The following ZSCAN18 variants were observed in gnomAD, a reference collection of about 807,000 sequenced individuals.
ZSCAN18 encodes the protein zinc finger and SCAN domain containing 18, also known as zinc finger and SCAN domain-containing protein 18.
In ZSCAN18, 16 loss-of-function variants were observed where a neutral mutation model predicts 31.1. That is an observed-to-expected ratio of 0.51 (90% CI 0.35 to 0.78). The LOEUF (loss-of-function observed/expected upper bound fraction) is 0.78. ZSCAN18 is among the 30% of genes least tolerant of loss of function. The pLI, the probability that ZSCAN18 is intolerant of heterozygous loss-of-function variation, is 0.01. For missense variants in ZSCAN18, 731 were observed against 697.4 expected, an observed-to-expected ratio of 1.05 and a Z score of -0.54; for synonymous variants, 375 against 320.7, an observed-to-expected ratio of 1.17 and a Z score of -1.81.
In ZSCAN18 at chr19:58,084,624, T is replaced by C; in HGVS notation, c.*61A>G. ...CACCCAGGGGCGTGGAAAGGCCCAA[T>C]GCCTCGTCTGGGATTCACGGCCGGC... is the stretch of plus-strand genomic sequence containing the variant. On this transcript the variant is annotated 3_prime_UTR_variant, in exon 7 of 7. Transcript: ENST00000601144. This position sits in a 1 kb window ranked among gnomAD's most constrained non-coding sequence, Gnocchi z 4.5. 1 of 1,407,046 alleles carries C rather than the reference T, an allele frequency of 7.1e-7. No individual in the cohort carries two copies. Among genetic ancestry groups the C allele is most frequent in the Non-Finnish European group, 9.3e-7 (1 of 1,077,366 alleles). 87.2% of individuals were successfully genotyped at this position (1,407,046 alleles called of 1,614,324 possible).
intron 1 of ZSCAN18, among the ~76,000 whole-genome samples, chr19:58,112,235 A>G (rs922100071): frequency 6.6e-6 from 1 of 152,060 alleles, no homozygotes; most frequent in East Asian, 1.9e-4. Context: ...GGTTTTTGCC[A>G]CTTTGCCTAG....
upstream of ZSCAN18, among the ~76,000 whole-genome samples, chr19:58,101,040 G>A (rs548635849): frequency 9.9e-5 from 15 of 151,902 alleles, no homozygotes; most frequent in East Asian, 1.9e-4. Context: ...TCTCGATTCC[G>A]TTCCACTGAT....
At chr19:58,109,002 G>C in intron 1 of ZSCAN18, 1 of 1,203,438 alleles carries the variant, frequency 8.3e-7, no homozygotes, top group Non-Finnish European at 1.0e-6. Flanking sequence ...CATGTTCACA[G>C]AAACCTGTTG....
Position 58,118,295 on chromosome 19 carries a change from TG to T in ZSCAN18, c.101del (p.Pro34HisfsTer39), listed in dbSNP as rs781062799. 4 of 1,507,022 alleles carry T rather than the reference TG, an allele frequency of 2.7e-6. No individual in the cohort carries two copies. In the Admixed American group the frequency reaches 8.5e-5, roughly 32 times the overall value. 93.4% of individuals were successfully genotyped at this position (1,507,022 alleles called of 1,614,324 possible). Reference sequence around the variant, plus strand: ...CACTAGGCCTTGGCTCCGCGACCGGTGGGCGGGAACGGAGGAAACAGACCCG... The same window carrying T: ...CACTAGGCCTTGGCTCCGCGACCGGTGGCGGGAACGGAGGAAACAGACCCG... On this transcript the variant is annotated frameshift_variant, in exon 1 of 2. Transcript: ENST00000595721. LOFTEE classifies it low-confidence loss of function (END_TRUNC).
intron 1 of ZSCAN18, among the ~76,000 whole-genome samples, chr19:58,095,669 G>A (rs1222410404): frequency 6.6e-6 from 1 of 152,176 alleles, no homozygotes; most frequent in Non-Finnish European, 1.5e-5. Context: ...GCGGGATGAC[G>A]TGGGGAGGAC....
At chr19:58,098,401 T>C, upstream of ZSCAN18, 1 of 984,920 alleles carries the variant, frequency 1.0e-6, no homozygotes, top group Non-Finnish European at 1.2e-6. Flanking sequence ...CTCCGGCGCC[T>C]GCGTCATTTT....
chr19:58,085,942 A>C (rs953072549), intron 6 of ZSCAN18: 5 of 538,808 alleles, frequency 9.3e-6, no homozygotes, highest in Admixed American at 6.3e-5. Context: ...AGATCCTGGC[A>C]ACTAACACCA....
At chr19:58,094,303 C>G (rs559042723) in intron 1 of ZSCAN18, among the ~76,000 whole-genome samples, 1 of 151,172 alleles carries the variant, frequency 6.6e-6, no homozygotes, top group South Asian at 2.1e-4. Context: ...CCCAGCTACT[C>G]AGGAGGCCGA....
intron 1 of ZSCAN18, among the ~76,000 whole-genome samples, chr19:58,117,240 A>C (rs931866259): frequency 9.2e-5 from 14 of 152,104 alleles, no homozygotes; most frequent in African/African-American, 3.4e-4. Flanking sequence ...CCACTTGGAG[A>C]GACTAGAAAG....
rs1388418100 is a variant in ZSCAN18, at chr19:58,098,221, T to G, written c.-167A>C. On this transcript the variant is annotated 5_prime_UTR_variant, in exon 1 of 7. Coordinates refer to ENST00000601144, the MANE Select transcript of ZSCAN18 (RefSeq NM_001145543.2). ...CGGTCCCAGCCGCCCGGAGCCCCAG[T>G]GCGCGATGGCGGCCGGCAAACTGCG... 1.0e-6 allele frequency: 1 copy of G among 985,338 alleles called. No homozygotes were observed. Among genetic ancestry groups the G allele is most frequent in the South Asian group, 4.7e-5 (1 of 21,298 alleles). The allele number at this position is 985,338 out of a possible 1,614,324, so 61.0% of individuals were successfully genotyped here.
At chr19:58,111,256 G>A (rs909895965) in intron 1 of ZSCAN18, among the ~76,000 whole-genome samples, 4 of 152,074 alleles carry the variant, frequency 2.6e-5, no homozygotes, top group Non-Finnish European at 5.9e-5. Flanking sequence ...AACTCCATGT[G>A]AGCAGGATTG....
chr19:58,092,968 G>A (rs932659335), intron 1 of ZSCAN18, among the ~76,000 whole-genome samples: 1 of 151,818 alleles, frequency 6.6e-6, no homozygotes, highest in Non-Finnish European at 1.5e-5. Flanking sequence ...TAGAGACAGG[G>A]ATCTCACTAT....
chr19:58,094,108 T>A (rs1245756118), intron 1 of ZSCAN18, among the ~76,000 whole-genome samples: 1 of 151,868 alleles, frequency 6.6e-6, no homozygotes, highest in Non-Finnish European at 1.5e-5. Context: ...AGAAACCCAC[T>A]TAAAAAGGGT....
intron 1 of ZSCAN18, chr19:58,093,402 T>C (rs1028821303): frequency 6.6e-6 from 1 of 152,178 alleles, no homozygotes; most frequent in African/African-American, 2.4e-5. Flanking sequence ...TTCTGATCTA[T>C]TTAAAGGACA....
chr19:58,090,502 C>T lies in ZSCAN18; in HGVS notation c.-119-116G>A, dbSNP rs2074389279. 4.3e-6 allele frequency: 4 copies of T among 934,364 alleles called. No individual in the cohort carries two copies. 57.9% of individuals were successfully genotyped at this position (934,364 alleles called of 1,614,324 possible). A position where few individuals can be genotyped will look rare whatever the true frequency, so the allele number is the denominator to read the frequency against. ...TTCACACAGATTTCCAAGAAACCCG[C>T]TTGTTAGGCATCAGTAGAACCTCAG... On this transcript the variant is annotated intron_variant, in intron 1 of 6. Coordinates refer to ENST00000601144, the MANE Select transcript of ZSCAN18 (RefSeq NM_001145543.2). This position sits in a 1 kb window ranked among gnomAD's most constrained non-coding sequence, Gnocchi z 4.7.
rs373541574 is a variant in ZSCAN18, at chr19:58,110,950, C to T, written c.130+7317G>A. 3.6e-3 allele frequency among the ~76,000 whole-genome samples: 548 copies of T among 152,180 alleles called. 5 individuals are homozygous for T. The highest frequency in any genetic ancestry group is 0.027 in the Middle Eastern group (8 of 294). On this transcript the variant is annotated intron_variant, in intron 1 of 1. Coordinates refer to the ZSCAN18 transcript ENST00000595721. ...TTGGGAGGCTGAGGCAGGTGGATCA[C>T]GAGGTCAGGAGATGGAGACCATCCT...
intron 3 of ZSCAN18, chr19:58,088,298 G>A (rs958242936): frequency 6.0e-6 from 1 of 165,484 alleles, no homozygotes; most frequent in African/African-American, 2.4e-5. Context: ...CAAGCACTCA[G>A]ACACAGCACA....
intron 1 of ZSCAN18, among the ~76,000 whole-genome samples, chr19:58,117,178 G>GT (rs1568647874): frequency 1.3e-5 from 2 of 152,202 alleles, no homozygotes; most frequent in African/African-American, 4.8e-5. Flanking sequence ...TGGGGATTGG[G>GT]GAAAAGAGAA....
intron 1 of ZSCAN18, among the ~76,000 whole-genome samples, chr19:58,096,569 C>T (rs2146005564): frequency 6.6e-6 from 1 of 152,346 alleles, no homozygotes; most frequent in Non-Finnish European, 1.5e-5. Flanking sequence ...TCCCCTTCAT[C>T]CTGGGCTGAG....
Sources: allele counts gnomAD v4.1 joint callset (sites outside exome capture counted in the v4.1 genomes callset), GRCh38; gene constraint gnomAD v4.1.1; non-coding constraint Gnocchi (gnomAD v3.1); transcripts MANE v1.5; gene names NCBI Gene and HGNC (gene_info 2026-07-23, HGNC 2026-07-21).